Variants in CDC42SE2 observed in about 807,000 individuals in gnomAD.
CDC42SE2 encodes the protein CDC42 small effector 2, also known as CDC42 small effector protein 2.
In CDC42SE2, 3 loss-of-function variants were observed where a neutral mutation model predicts 11.5. The ratio of observed to expected loss-of-function variants is 0.26; its 90% CI spans 0.12 to 0.67. The LOEUF is 0.67. Among genes scored for constraint, CDC42SE2 ranks in the 30% least tolerant of loss-of-function variants. CDC42SE2 has a pLI of 0.80. For missense variants in CDC42SE2, 82 were observed against 106.8 expected (o/e 0.77, Z 1.02); for synonymous variants, 33 against 34.8 (o/e 0.95, Z 0.18).
chr5:131,227,452 T>G, the CDC42SE2 span, among the ~76,000 whole-genome samples: 1 of 152,116 alleles, frequency 6.6e-6, no homozygotes, highest in African/African-American at 2.4e-5. Context: ...CTGGCCAACG[T>G]GGTGAAACCC....
At chr5:131,356,905 C>T (rs952378095) in intron 2 of CDC42SE2, among the ~76,000 whole-genome samples, 1 of 152,072 alleles carries the variant, frequency 6.6e-6, no homozygotes, top group Non-Finnish European at 1.5e-5. Flanking sequence ...GAGACCCTAT[C>T]TGAAAAAAAA....
the CDC42SE2 span, among the ~76,000 whole-genome samples, chr5:131,213,164 G>T: frequency 6.6e-6 from 1 of 152,160 alleles, no homozygotes; most frequent in Non-Finnish European, 1.5e-5. Flanking sequence ...TTGCACTCCA[G>T]CCTGGGCAAC....
rs1479050144 is a variant in CDC42SE2 at position 131,310,196 on chromosome 5, T to C, written c.-454-5780T>C. On this transcript the variant is annotated intron_variant, in intron 1 of 4. Coordinates refer to ENST00000505065, the MANE Select transcript of CDC42SE2 (RefSeq NM_001375635.1). ...AACATCTTTATTTCTGCCTTCATTT[T>C]GTTATGTACCCAGTAGTCATTCAGG... is the stretch of plus-strand genomic sequence containing the variant. Among the ~76,000 whole-genome samples the C allele has an allele frequency of 4.0e-3, 604 of 151,844 alleles. 7 individuals are homozygous for C. Among genetic ancestry groups the C allele is most frequent in the Non-Finnish European group, 2.8e-3 (193 of 67,898 alleles).
the CDC42SE2 span, among the ~76,000 whole-genome samples, chr5:131,225,494 T>G: frequency 6.6e-6 from 1 of 152,236 alleles, no homozygotes; most frequent in Non-Finnish European, 1.5e-5. Flanking sequence ...AATTTGAATT[T>G]ACAACCCCAC....
intron 4 of CDC42SE2, among the ~76,000 whole-genome samples, chr5:131,390,782 T>A (rs1750627381): frequency 6.6e-6 from 1 of 152,154 alleles, no homozygotes; most frequent in Admixed American, 6.6e-5. Context: ...ATAGAGAAAA[T>A]AGGGGTTTTT....
intron 1 of CDC42SE2, among the ~76,000 whole-genome samples, chr5:131,248,736 A>C (rs1479641103): frequency 2.0e-5 from 3 of 152,216 alleles, no homozygotes; most frequent in Non-Finnish European, 4.4e-5. Flanking sequence ...CTATCTAGGA[A>C]TAAATCTAAC....
intron 2 of CDC42SE2, among the ~76,000 whole-genome samples, chr5:131,351,874 G>A (rs989589636): frequency 2.6e-5 from 4 of 152,074 alleles, no homozygotes; most frequent in Non-Finnish European, 4.4e-5. Context: ...GATGTTGTTC[G>A]GTAGACAAAG....
chr5:131,242,455 T>A (rs1756547589), upstream of CDC42SE2, among the ~76,000 whole-genome samples: 1 of 152,332 alleles, frequency 6.6e-6, no homozygotes, highest in Admixed American at 6.5e-5. Flanking sequence ...GAAAAAGTTT[T>A]CATGTTTGCA....
the CDC42SE2 span, among the ~76,000 whole-genome samples, chr5:131,215,213 G>T: frequency 6.6e-6 from 1 of 152,176 alleles, no homozygotes; most frequent in Non-Finnish European, 1.5e-5. Flanking sequence ...CTGAAAATAG[G>T]TCTCTGAACA....
At chr5:131,312,841 G>A (rs1392753333) in intron 1 of CDC42SE2, among the ~76,000 whole-genome samples, 1 of 152,230 alleles carries the variant, frequency 6.6e-6, no homozygotes. Context: ...CCCACGATCT[G>A]GCTCTCCCTA....
chr5:131,372,644 C>T (rs541082395), intron 3 of CDC42SE2, among the ~76,000 whole-genome samples: 27 of 151,280 alleles, frequency 1.8e-4, no homozygotes, highest in African/African-American at 5.1e-4. Context: ...ACCTGGGAGG[C>T]GGAGGTTGCA....
At chr5:131,342,052 T>C (rs975525491) in intron 2 of CDC42SE2, among the ~76,000 whole-genome samples, 1 of 151,794 alleles carries the variant, frequency 6.6e-6, no homozygotes, top group Non-Finnish European at 1.5e-5. Flanking sequence ...GAGGCTGAGG[T>C]GGGCAGATCA....
At position 131,392,145 on chromosome 5, in the gene CDC42SE2, GTTT is replaced by G. The variant is rs112848390; in HGVS notation, c.*1062_*1064del. 6.7e-6 allele frequency: 1 copy of G among 149,976 alleles called. No homozygotes were observed. The highest frequency in any genetic ancestry group is 2.4e-5 in the African/African-American group (1 of 40,904). The allele number at this position is 149,976 out of a possible 1,614,324, so 9.3% of individuals were successfully genotyped here. ...TTGTGAATGCTAACACCATTTTGCAGTTTTTTTTTTCTATTTTAAACATTTTTC... is the reference window on the plus strand; with the variant it reads ...TTGTGAATGCTAACACCATTTTGCAGTTTTTTTCTATTTTAAACATTTTTC... On this transcript the variant is annotated 3_prime_UTR_variant, in exon 5 of 5. Transcript: ENST00000505065.
At chr5:131,215,357 G>A in the CDC42SE2 span, among the ~76,000 whole-genome samples, 2 of 152,224 alleles carry the variant, frequency 1.3e-5, no homozygotes. Context: ...AAAGAAAAGA[G>A]AGAGAGAAAA....
In CDC42SE2 at chr5:131,301,975, G is replaced by A. The variant is rs558186403; in HGVS notation, c.-454-14001G>A. On this transcript the variant is annotated intron_variant, in intron 1 of 4. Coordinates refer to ENST00000505065, the MANE Select transcript of CDC42SE2 (RefSeq NM_001375635.1). ...TTCAAACCCTGAAGACAGTTTGATA[G>A]CAGCACCTCCTTTTTCTTTTTTTAT... is the stretch of plus-strand genomic sequence containing the variant. Among the ~76,000 whole-genome samples, 10 of 152,062 alleles carry A rather than the reference G, an allele frequency of 6.6e-5. No homozygotes were observed. In the East Asian group the frequency reaches 1.9e-3, roughly 29 times the overall value.
chr5:131,330,327 GT>G (rs1758394387), intron 2 of CDC42SE2, among the ~76,000 whole-genome samples: 2 of 152,156 alleles, frequency 1.3e-5, no homozygotes, highest in Admixed American at 1.3e-4. Context: ...TGAATTTAAT[GT>G]AGAGGAATTT....
chr5:131,264,660 TGCCGCGGTTC>T (rs1455189414), intron 1 of CDC42SE2, among the ~76,000 whole-genome samples: 1 of 152,104 alleles, frequency 6.6e-6, no homozygotes, highest in Non-Finnish European at 1.5e-5. Flanking sequence ...CCGCGGGTCC[TGCCGCGGTTC>T]GCCCCGGGCC....
chr5:131,307,656 T>C (rs1480006532), intron 1 of CDC42SE2, among the ~76,000 whole-genome samples: 1 of 152,194 alleles, frequency 6.6e-6, no homozygotes, highest in Non-Finnish European at 1.5e-5. Context: ...ACTTCCACAA[T>C]GGTTGAACTA....
chr5:131,363,936 C>T (rs1190812767), intron 3 of CDC42SE2, among the ~76,000 whole-genome samples: 1 of 151,958 alleles, frequency 6.6e-6, no homozygotes, highest in Non-Finnish European at 1.5e-5. Flanking sequence ...CTCAAATGAT[C>T]CTCCTGCCTC....
Sources: allele counts gnomAD v4.1 joint callset (sites outside exome capture counted in the v4.1 genomes callset), GRCh38; gene constraint gnomAD v4.1.1; transcripts MANE v1.5; gene names NCBI Gene and HGNC (gene_info 2026-07-23, HGNC 2026-07-21).